The following SPPL2B variants were observed in gnomAD, a reference collection of about 807,000 sequenced individuals.
The protein encoded by SPPL2B is signal peptide peptidase like 2B, also known as signal peptide peptidase-like 2B.
Under a neutral mutation model 59.7 loss-of-function variants are expected in SPPL2B, and 39 were observed. The observed-to-expected ratio is 0.65, with a 90% CI of 0.51 to 0.85. SPPL2B has a LOEUF of 0.85. Ranked by LOEUF, SPPL2B falls within the 40% of genes least tolerant of loss-of-function variation. The pLI is 0.00. For missense variants in SPPL2B, 865 were observed against 849.0 expected (o/e 1.02, Z -0.23); for synonymous variants, 419 against 370.8 (o/e 1.13, Z -1.49).
At chr19:2,328,966 C>T (rs1381410393) in intron 1 of SPPL2B, among the ~76,000 whole-genome samples, 191 bp downstream of exon 1, 1 of 152,212 alleles carries the variant, frequency 6.6e-6, no homozygotes, top group African/African-American at 2.4e-5. Flanking sequence ...CCCGGCTCCT[C>T]TCCTTTCCCC....
chr19:2,352,988 G>A lies in SPPL2B; in HGVS notation c.1558G>A (p.Gly520Ser), dbSNP rs565897520. 2.2e-5 allele frequency: 35 copies of A among 1,612,136 alleles called. 1 individual carries two copies. The highest frequency in any genetic ancestry group is 1.7e-4 in the African/African-American group (13 of 74,990). Residue 520 changes from glycine to serine, a missense_variant, in exon 15 of 15, where the codon GGC becomes AGC. Physicochemically the swap from Gly to Ser is moderately conservative, Grantham distance 56 (BLOSUM62 0). Coordinates refer to ENST00000613503, the MANE Select transcript of SPPL2B (RefSeq NM_152988.3). ...TCCGTGGGCCCCAGCACCAGCCGAC[G>A]GCCCGCAGCCTCCCAAAGACTCTGC... ...PSPWAPAPAD[G>S]PQPPKDSATP...
chr19:2,339,620 C>G (rs1346803242), intron 5 of SPPL2B: 3 of 633,980 alleles, frequency 4.7e-6, no homozygotes, highest in African/African-American at 1.8e-5. Flanking sequence ...CCAGCTCAAC[C>G]CAGGGACGCG....
At chr19:2,328,907 G>A in intron 1 of SPPL2B, 132 bp downstream of exon 1, 1 of 793,670 alleles carries the variant, frequency 1.3e-6, no homozygotes, top group Non-Finnish European at 1.8e-6. Context: ...CCGTCCCCGC[G>A]TTGTCGGCCG....
Position 2,353,766 on chromosome 19 carries a change from C to T in SPPL2B, c.*557C>T, listed in dbSNP as rs575006075. The T allele has an allele frequency of 7.1e-5, 11 of 154,858 alleles. No homozygotes were observed. Among genetic ancestry groups the T allele is most frequent in the Non-Finnish European group, 1.6e-4 (11 of 69,874 alleles). The allele number at this position is 154,858 out of a possible 1,614,324, so 9.6% of individuals were successfully genotyped here. On this transcript the variant is annotated 3_prime_UTR_variant, in exon 15 of 15. Transcript: ENST00000613503. ...GGCCGGGGCGGCCTCTGGCCCCTGA[C>T]GCTGGCTGAGACAGGCCCGTGGGGC...
chr19:2,338,614 G>A (rs1483989564), intron 3 of SPPL2B, 138 bp from the exon 4 acceptor site: 10 of 587,204 alleles, frequency 1.7e-5, no homozygotes, highest in African/African-American at 3.8e-5. Flanking sequence ...GTCAGCTGCA[G>A]AGGGGGAGCC....
intron 14 of SPPL2B, among the ~76,000 whole-genome samples, chr19:2,352,639 G>A (rs1969989117): frequency 6.6e-6 from 1 of 152,166 alleles, no homozygotes; most frequent in Admixed American, 6.5e-5. Flanking sequence ...AGAAGGTTCA[G>A]GAGAAGCCGG....
At chr19:2,331,343 G>T (rs1488553885) in intron 1 of SPPL2B, among the ~76,000 whole-genome samples, 1 of 152,238 alleles carries the variant, frequency 6.6e-6, no homozygotes, top group East Asian at 1.9e-4. Flanking sequence ...CAAAGCGTTT[G>T]TGCTGCAATT....
At chr19:2,337,675 G>A (rs1319499006) in intron 3 of SPPL2B, 50 bp downstream of exon 3, 1 of 1,478,312 alleles carries the variant, frequency 6.8e-7, no homozygotes, top group Non-Finnish European at 9.0e-7. Flanking sequence ...GGCAGGAGGG[G>A]GGTGCAGGAG....
chr19:2,337,236 T>G (rs1300290173), intron 2 of SPPL2B: 2 of 492,688 alleles, frequency 4.1e-6, no homozygotes, highest in African/African-American at 4.0e-5. Context: ...CCGGCCCCGC[T>G]CAGATGAGGC....
At chr19:2,349,426 TTC>T (rs776293232) in intron 13 of SPPL2B, among the ~76,000 whole-genome samples, 1 of 33,706 alleles carries the variant, frequency 3.0e-5, no homozygotes. Context: ...CTTGATTCCG[TTC>T]TCTCTCTCCA....
chr19:2,336,837 G>A (rs114918806), intron 2 of SPPL2B, among the ~76,000 whole-genome samples: 5 of 145,744 alleles, frequency 3.4e-5, no homozygotes, highest in African/African-American at 1.3e-4. Context: ...CTATGTGCGT[G>A]TGTGTGTGTG....
In SPPL2B at chr19:2,353,359, G is replaced by A. The variant is rs1439138656; in HGVS notation, c.*150G>A. The A allele has an allele frequency of 4.7e-5, 48 of 1,026,632 alleles. No individual in the cohort carries two copies. The highest frequency in any genetic ancestry group is 8.5e-5 in the South Asian group (5 of 59,040). 63.6% of individuals were successfully genotyped at this position (1,026,632 alleles called of 1,614,324 possible). On this transcript the variant is annotated 3_prime_UTR_variant, in exon 15 of 15. Transcript: ENST00000613503. ...CCCCAACATGGTGCTCATCCTTGCCGAGACCCCTGCGGTCTGTGCCCGCGC... is the reference window on the plus strand; with the variant it reads ...CCCCAACATGGTGCTCATCCTTGCCAAGACCCCTGCGGTCTGTGCCCGCGC...
intron 7 of SPPL2B, chr19:2,340,460 C>T (rs777995168): frequency 6.4e-5 from 40 of 621,556 alleles, no homozygotes; most frequent in Admixed American, 2.4e-4. Context: ...CAGGGTTCTC[C>T]GGGGAACCCA....
rs769371635 is a variant in SPPL2B, at chr19:2,339,174, G to A, written c.565G>A (p.Gly189Ser). The change falls in exon 5 of 15, where the codon GGC becomes AGC. Residue 189 changes from glycine to serine, a missense_variant. Transcript: ENST00000613503. ...CATGGCTGTGGGCACCGTCGCCATC[G>A]GCGGCTACTGGGCCGGGAGTCGGGA... is the stretch of plus-strand genomic sequence containing the variant. ...FIMAVGTVAI[G>S]GYWAGSRDVK... The A allele has an allele frequency of 3.7e-5, 60 of 1,604,526 alleles. No individual in the cohort carries two copies. The highest frequency in any genetic ancestry group is 9.4e-6 in the Non-Finnish European group (11 of 1,175,940).
chr19:2,344,082 C>T (rs1361606397), intron 10 of SPPL2B, 43 bp downstream of exon 10: 9 of 1,369,926 alleles, frequency 6.6e-6, no homozygotes, highest in African/African-American at 4.7e-5. Flanking sequence ...CACCCCGCTC[C>T]CCCGCCCCCT....
chr19:2,349,755 G>A (rs1339604800), intron 13 of SPPL2B, among the ~76,000 whole-genome samples: 13 of 105,080 alleles, frequency 1.2e-4, no homozygotes, highest in African/African-American at 4.4e-4. Flanking sequence ...CCACACACAT[G>A]CGCTCTCATT....
chr19:2,341,057 TCG>T, intron 8 of SPPL2B, 43 bp downstream of exon 8: 1 of 1,418,156 alleles, frequency 7.1e-7, no homozygotes, highest in South Asian at 1.2e-5. Flanking sequence ...AGCGGAGTCC[TCG>T]GGTGCACCAG....
At position 2,343,241 on chromosome 19, in the gene SPPL2B, C is replaced by T; in HGVS notation, c.987C>T (p.Gly329=). Residue 329 remains glycine, a synonymous_variant, in exon 9 of 15, where the codon GGC becomes GGT. Coordinates refer to ENST00000613503, the MANE Select transcript of SPPL2B (RefSeq NM_152988.3). The part of the protein sequence containing the change: ...QWAWVLQDAL[G]IAFCLYMLKT... ...CCTGGGTCCTCCAGGATGCCCTGGG[C>T]ATCGCCTTCTGCCTCTACATGCTGA... 1.3e-6 allele frequency: 2 copies of T among 1,556,242 alleles called. No individual in the cohort carries two copies. The highest frequency in any genetic ancestry group is 1.7e-6 in the Non-Finnish European group (2 of 1,149,588).
At chr19:2,339,538 A>C in intron 5 of SPPL2B, 2 of 583,668 alleles carry the variant, frequency 3.4e-6, no homozygotes, top group South Asian at 4.0e-5. Context: ...CCCCATGTCC[A>C]GGGCTCTTTA....
Sources: gnomAD v4.1 joint callset for allele counts (sites outside exome capture counted in the v4.1 genomes callset) on GRCh38, gnomAD v4.1.1 for gene constraint, MANE v1.5 for transcripts, NCBI Gene and HGNC (gene_info 2026-07-23, HGNC 2026-07-21) for gene names.